IGF2BP3: variants seen among roughly 807,000 people sequenced by gnomAD.
The protein encoded by IGF2BP3 is insulin-like growth factor 2 mRNA-binding protein 3.
Under a neutral mutation model 73.8 loss-of-function variants are expected in IGF2BP3, and 9 were observed. That is an observed-to-expected ratio of 0.12 (90% CI 0.07 to 0.21). The LOEUF (loss-of-function observed/expected upper bound fraction) is 0.21, where lower values mean the gene tolerates loss of function less well. Among genes scored for constraint, IGF2BP3 ranks in the 10% least tolerant of loss-of-function variants. The pLI, the probability that IGF2BP3 is intolerant of heterozygous loss-of-function variation, is 1.00. For missense variants in IGF2BP3, 542 were observed against 714.0 expected, an observed-to-expected ratio of 0.76 and a Z score of 2.75; for synonymous variants, 258 against 256.7, an observed-to-expected ratio of 1.01 and a Z score of -0.05.
intron 3 of IGF2BP3, among the ~76,000 whole-genome samples, chr7:23,373,750 G>A (rs568875378): frequency 1.1e-4 from 16 of 152,310 alleles, no homozygotes; most frequent in African/African-American, 2.6e-4. Context: ...GCTGAAATGC[G>A]ATCCCCAGTG....
chr7:23,395,754 T>C (rs750038567), intron 3 of IGF2BP3, among the ~76,000 whole-genome samples: 13 of 152,004 alleles, frequency 8.6e-5, no homozygotes, highest in Non-Finnish European at 1.8e-4. Context: ...GGTAAAACCC[T>C]GTCTTTACTA....
chr7:23,453,437 G>A (rs1035185423), intron 2 of IGF2BP3, among the ~76,000 whole-genome samples: 1 of 152,208 alleles, frequency 6.6e-6, no homozygotes, highest in African/African-American at 2.4e-5. Context: ...AATGTGACGT[G>A]TAATATAGTA....
At chr7:23,451,135 G>A (rs1053117364) in intron 2 of IGF2BP3, among the ~76,000 whole-genome samples, 1 of 152,110 alleles carries the variant, frequency 6.6e-6, no homozygotes, top group African/African-American at 2.4e-5. Flanking sequence ...GAGTGTTTTA[G>A]GGCCAGACGC....
chr7:23,437,236 C>T (rs1459380955), intron 2 of IGF2BP3, among the ~76,000 whole-genome samples: 1 of 151,774 alleles, frequency 6.6e-6, no homozygotes, highest in Non-Finnish European at 1.5e-5. Context: ...AATCTCAGCA[C>T]TTTGGGAGGC....
intron 3 of IGF2BP3, among the ~76,000 whole-genome samples, chr7:23,379,914 C>A (rs954710307): frequency 6.6e-6 from 1 of 152,044 alleles, no homozygotes; most frequent in Non-Finnish European, 1.5e-5. Context: ...TTATTGTTAA[C>A]GAGTGAAGTC....
intron 11 of IGF2BP3, among the ~76,000 whole-genome samples, chr7:23,318,090 G>A (rs1784040842): frequency 6.6e-6 from 1 of 152,168 alleles, no homozygotes; most frequent in South Asian, 2.1e-4. Context: ...TGTCTCCATT[G>A]CCTGTGTTCA....
intron 10 of IGF2BP3, among the ~76,000 whole-genome samples, chr7:23,340,845 TTTTC>T (rs970874452): frequency 6.6e-6 from 1 of 150,486 alleles, no homozygotes; most frequent in South Asian, 2.1e-4. Context: ...TTCTTTTTCT[TTTTC>T]TTTTTTTTTT....
chr7:23,449,389 C>T (rs1049611780), intron 2 of IGF2BP3, among the ~76,000 whole-genome samples: 5 of 151,556 alleles, frequency 3.3e-5, no homozygotes, highest in African/African-American at 9.7e-5. Flanking sequence ...TGGTGGTGGG[C>T]GTCTGTAGTT....
At position 23,312,062 on chromosome 7, in the gene IGF2BP3, T is replaced by G. The variant is rs1185408122; in HGVS notation, c.*300A>C. ...GAATATTAAGAAGAATTAGAATATC[T>G]GTTATACTGTGAGACTACAACAAAG... is the stretch of plus-strand genomic sequence containing the variant. On this transcript the variant is annotated 3_prime_UTR_variant, in exon 15 of 15. Transcript: ENST00000258729. The G allele has an allele frequency of 3.2e-6, 1 of 317,376 alleles. No individual in the cohort carries two copies. Among genetic ancestry groups the G allele is most frequent in the African/African-American group, 2.1e-5 (1 of 46,716 alleles). The allele number at this position is 317,376 out of a possible 1,614,324, so 19.7% of individuals were successfully genotyped here.
At chr7:23,455,085 G>A (rs935034274) in intron 2 of IGF2BP3, among the ~76,000 whole-genome samples, 5 of 152,178 alleles carry the variant, frequency 3.3e-5, no homozygotes, top group Admixed American at 6.5e-5. Context: ...GATCTCTGGT[G>A]AGCATTTTCC....
At chr7:23,337,062 G>C (rs1784592427) in intron 10 of IGF2BP3, among the ~76,000 whole-genome samples, 1 of 152,114 alleles carries the variant, frequency 6.6e-6, no homozygotes, top group Non-Finnish European at 1.5e-5. Context: ...GTGACCACTA[G>C]GTACACAAAA....
chr7:23,339,184 G>A (rs1175651786), intron 10 of IGF2BP3, among the ~76,000 whole-genome samples: 1 of 152,218 alleles, frequency 6.6e-6, no homozygotes, highest in Non-Finnish European at 1.5e-5. Flanking sequence ...AATGACAGGA[G>A]AAGCAAGATG....
At chr7:23,361,500 A>G (rs373966792) in intron 5 of IGF2BP3, 34 bp downstream of exon 5, 2 of 1,552,092 alleles carry the variant, frequency 1.3e-6, no homozygotes, top group Admixed American at 1.7e-5. Context: ...TAACTTAGTT[A>G]TTATATATAG....
Position 23,343,760 on chromosome 7 carries a change from C to T in IGF2BP3, c.1035G>A (p.Lys345=). The part of the protein sequence containing the change: ...TCAKAEEEIM[K]KIRESYENDI... The stretch of plus-strand genomic sequence containing the variant: ...CATTTTCATAAGACTCCCTGATTTT[C>T]TTCATGATCTCCTCCTCAGCTTTGG... The change falls in exon 9 of 15, where the codon AAG becomes AAA. Residue 345 remains lysine (K), a synonymous_variant. Coordinates refer to ENST00000258729, the MANE Select transcript of IGF2BP3 (RefSeq NM_006547.3). 6.2e-7 allele frequency: 1 copy of T among 1,612,746 alleles called. No homozygotes were observed. The highest frequency in any genetic ancestry group is 8.5e-7 in the Non-Finnish European group (1 of 1,179,636).
At chr7:23,423,264 A>G (rs1340887517) in intron 2 of IGF2BP3, among the ~76,000 whole-genome samples, 1 of 152,212 alleles carries the variant, frequency 6.6e-6, no homozygotes, top group Non-Finnish European at 1.5e-5. Context: ...AGATAAATAC[A>G]AACTTCTGGC....
intron 10 of IGF2BP3, among the ~76,000 whole-genome samples, chr7:23,341,677 T>G (rs967918556): frequency 1.3e-5 from 2 of 151,764 alleles, no homozygotes; most frequent in Non-Finnish European, 2.9e-5. Flanking sequence ...CTCCAAAAAC[T>G]TTTAAATAAC....
At chr7:23,379,545 T>C (rs1402878469) in intron 3 of IGF2BP3, among the ~76,000 whole-genome samples, 2 of 152,094 alleles carry the variant, frequency 1.3e-5, no homozygotes, top group Non-Finnish European at 2.9e-5. Context: ...GTAACAGGGG[T>C]CCATTAATAA....
At chr7:23,419,482 C>G (rs555358031) in intron 2 of IGF2BP3, among the ~76,000 whole-genome samples, 1 of 152,214 alleles carries the variant, frequency 6.6e-6, no homozygotes, top group Non-Finnish European at 1.5e-5. Flanking sequence ...GCACCTATCA[C>G]CAAGTTTTAA....
intron 2 of IGF2BP3, among the ~76,000 whole-genome samples, chr7:23,458,656 A>C (rs1788375092): frequency 6.6e-6 from 1 of 152,202 alleles, no homozygotes; most frequent in Non-Finnish European, 1.5e-5. Context: ...ACTTATATTA[A>C]GATGAAGCTA....
Sources: gnomAD v4.1 joint callset for allele counts (sites outside exome capture counted in the v4.1 genomes callset) on GRCh38, gnomAD v4.1.1 for gene constraint, MANE v1.5 for transcripts, NCBI Gene and HGNC (gene_info 2026-07-23, HGNC 2026-07-21) for gene names.